Variants in NDUFA7 observed in about 807,000 individuals in gnomAD.
The protein encoded by NDUFA7 is NADH:ubiquinone oxidoreductase subunit A7, also known as NADH dehydrogenase [ubiquinone] 1 alpha subcomplex subunit 7.
In NDUFA7, 18 loss-of-function variants were observed where a neutral mutation model predicts 14.2. That is an observed-to-expected ratio of 1.27 (90% CI 0.88 to 1.88). The LOEUF is 1.88. Among genes scored for constraint, NDUFA7 ranks in the 40% most tolerant of loss-of-function variants. The probability of loss-of-function intolerance (pLI) is 0.00; values close to 1 mark genes in which losing one functional copy is unlikely to be tolerated. For missense variants in NDUFA7, 172 were observed against 147.3 expected (o/e 1.17, Z -0.87); for synonymous variants, 75 against 62.1 (o/e 1.21, Z -0.98).
rs933769725 is a variant in NDUFA7, at chr19:8,311,783, G to A, written c.252-188C>T. On this transcript the variant is annotated intron_variant, in intron 3 of 3. Coordinates refer to ENST00000301457, the MANE Select transcript of NDUFA7 (RefSeq NM_005001.5). Reference sequence around the variant, plus strand: ...TCAGAGGATCAGCCAACGCCAGGTGGGAGCTAGCAAGCCTCCTCTCTCCCC... The same window carrying A: ...TCAGAGGATCAGCCAACGCCAGGTGAGAGCTAGCAAGCCTCCTCTCTCCCC... 3.3e-5 allele frequency among the ~76,000 whole-genome samples: 5 copies of A among 152,236 alleles called. No individual in the cohort carries two copies. In the South Asian group the frequency reaches 1.0e-3, roughly 32 times the overall value.
At chr19:8,316,700 C>T (rs544116318) in intron 2 of NDUFA7, 55 bp from the exon 3 acceptor site, 26 of 1,583,512 alleles carry the variant, frequency 1.6e-5, no homozygotes, top group Middle Eastern at 1.7e-4. Flanking sequence ...GTCATGGCCC[C>T]GCTGTGGGCC....
Position 8,311,480 on chromosome 19 carries a change from G to C in NDUFA7, c.*25C>G. 1 of 1,567,828 alleles carries C rather than the reference G, an allele frequency of 6.4e-7. No individual in the cohort carries two copies. The highest frequency in any genetic ancestry group is 1.8e-4 in the Middle Eastern group (1 of 5,542). Reference sequence around the variant, plus strand: ...GGAGGAAATCCAAGGAGGCAAAGTAGTCGGGTGGCCGTGAGGGTGCAGTGT... The same window carrying C: ...GGAGGAAATCCAAGGAGGCAAAGTACTCGGGTGGCCGTGAGGGTGCAGTGT... On this transcript the variant is annotated 3_prime_UTR_variant, in exon 4 of 4. Coordinates refer to ENST00000301457, the MANE Select transcript of NDUFA7 (RefSeq NM_005001.5).
intron 3 of NDUFA7, among the ~76,000 whole-genome samples, chr19:8,312,352 A>G (rs1183992178): frequency 6.6e-6 from 1 of 152,208 alleles, no homozygotes; most frequent in African/African-American, 2.4e-5. Flanking sequence ...TGGAAAAGGC[A>G]GAAGTGGCCT....
chr19:8,311,538 C>T lies in NDUFA7; in HGVS notation c.309G>A (p.Arg103=), dbSNP rs772742270. 10 of 1,612,680 alleles carry T rather than the reference C, an allele frequency of 6.2e-6. 1 individual carries two copies. The East Asian group carries it at 2.2e-4, about 36-fold the overall frequency. The change falls in exon 4 of 4, where the codon AGG becomes AGA. Residue 103 remains arginine (R), a synonymous_variant. Coordinates refer to ENST00000301457, the MANE Select transcript of NDUFA7 (RefSeq NM_005001.5). ...KAVTPAPPIK[R]WELSSDQPYL is the part of the protein sequence containing the mutation. ...AAGGCTGGTCCGAGGACAGCTCCCA[C>T]CTCTTTATGGGAGGAGCTGGAGTCA...
At chr19:8,319,986 C>T (rs935733469) in intron 2 of NDUFA7, among the ~76,000 whole-genome samples, 14 of 152,112 alleles carry the variant, frequency 9.2e-5, no homozygotes, top group African/African-American at 3.4e-4. Flanking sequence ...GCTGGGACTA[C>T]CCGCGCGCGC....
chr19:8,316,730 A>G (rs1259826682), intron 2 of NDUFA7, 85 bp from the exon 3 acceptor site: 6 of 1,518,186 alleles, frequency 4.0e-6, no homozygotes, highest in Non-Finnish European at 5.4e-6. Flanking sequence ...TCAGTCACAA[A>G]ATGTGGGATC....
chr19:8,316,710 C>A, intron 2 of NDUFA7, 65 bp from the exon 3 acceptor site: 1 of 1,566,952 alleles, frequency 6.4e-7, no homozygotes, highest in African/African-American at 1.4e-5. Context: ...CGCTGTGGGC[C>A]CCTGTCACCT....
At chr19:8,316,350 ACAAAAAGCTC>A (rs1970233462) in intron 3 of NDUFA7, 136 bp downstream of exon 3, 3 of 1,236,026 alleles carry the variant, frequency 2.4e-6, no homozygotes, top group African/African-American at 3.0e-5. Context: ...GAGCTCTCGG[ACAAAAAGCTC>A]CCAGCAGCAC....
At chr19:8,318,871 T>G (rs772759014) in intron 2 of NDUFA7, among the ~76,000 whole-genome samples, 1 of 149,688 alleles carries the variant, frequency 6.7e-6, no homozygotes, top group Non-Finnish European at 1.5e-5. Flanking sequence ...CTCGGGAGGC[T>G]GAGGCAGGAG....
chr19:8,308,985 C>G (rs1349726903), downstream of NDUFA7: 1 of 151,534 alleles, frequency 6.6e-6, no homozygotes, highest in Non-Finnish European at 1.5e-5. Flanking sequence ...TTTTGGGAAG[C>G]AGAGGCGGGC....
In NDUFA7 at chr19:8,316,597, G is replaced by A; in HGVS notation, c.150C>T (p.Ser50=). Residue 50 remains serine, a synonymous_variant, in exon 3 of 4, where the codon TCC becomes TCT. Coordinates refer to ENST00000301457, the MANE Select transcript of NDUFA7 (RefSeq NM_005001.5). ...CATCGCGAGTGCAATAGTAATTGTT[G>A]GAGAGCTTGTGGCTAGGACCCACAG... ...KLPVGPSHKL[S]NNYYCTRDGR... is the part of the protein sequence containing the mutation. 2.5e-6 allele frequency: 4 copies of A among 1,614,176 alleles called. No homozygotes were observed. Among genetic ancestry groups the A allele is most frequent in the Non-Finnish European group, 3.4e-6 (4 of 1,180,022 alleles).
chr19:8,319,104 AG>A (rs1303968827), intron 2 of NDUFA7, among the ~76,000 whole-genome samples: 3 of 102,508 alleles, frequency 2.9e-5, no homozygotes, highest in Non-Finnish European at 5.9e-5. Flanking sequence ...AAAGCCAACT[AG>A]GGGGGTCGGG....
intron 3 of NDUFA7, among the ~76,000 whole-genome samples, chr19:8,316,024 C>T (rs1970228367): frequency 1.3e-5 from 2 of 151,592 alleles, no homozygotes; most frequent in Admixed American, 6.6e-5. Context: ...GTGGTGGGCA[C>T]TTGTAACCCC....
rs372354143 is a variant in NDUFA7, at chr19:8,318,702, G to A, written c.102-2057C>T. ...AAAAAAAAAAAAAAAGGCCAGGCGCGGTGGCTCACACCTGTAATCCCAGCA... is the reference window on the plus strand; with the variant it reads ...AAAAAAAAAAAAAAAGGCCAGGCGCAGTGGCTCACACCTGTAATCCCAGCA... On this transcript the variant is annotated intron_variant, in intron 2 of 3. Coordinates refer to ENST00000301457, the MANE Select transcript of NDUFA7 (RefSeq NM_005001.5). Among the ~76,000 whole-genome samples, 276 of 145,640 alleles carry A rather than the reference G, an allele frequency of 1.9e-3. 1 individual carries two copies. The highest frequency in any genetic ancestry group is 0.016 in the East Asian group (77 of 4,906).
Position 8,311,517 on chromosome 19 carries a change from C to A in NDUFA7, c.330G>T (p.Gln110His). ...TGAGGGTGCAGTGTCACAGGTAAGG[C>A]TGGTCCGAGGACAGCTCCCACCTCT... ...PIKRWELSSD[Q>H]PYL The change falls in exon 4 of 4, where the codon CAG becomes CAT. Residue 110 changes from glutamine (Q) to histidine (H), a missense_variant. Transcript: ENST00000301457. 1 of 1,610,084 alleles carries A rather than the reference C, an allele frequency of 6.2e-7. No homozygotes were observed. Among genetic ancestry groups the A allele is most frequent in the Non-Finnish European group, 8.5e-7 (1 of 1,178,026 alleles).
At chr19:8,321,124 A>G in intron 1 of NDUFA7, 184 bp downstream of exon 1, 1 of 901,424 alleles carries the variant, frequency 1.1e-6, no homozygotes, top group African/African-American at 1.7e-5. Flanking sequence ...GGGAAATCCC[A>G]GGCCTGAGTG....
chr19:8,315,775 AG>A (rs1376934974), intron 3 of NDUFA7, among the ~76,000 whole-genome samples: 1 of 152,062 alleles, frequency 6.6e-6, no homozygotes, highest in Non-Finnish European at 1.5e-5. Context: ...CCACCTAACG[AG>A]GAACACCCAC....
Position 8,311,581 on chromosome 19 carries a change from G to A in NDUFA7, c.266C>T (p.Ala89Val), listed in dbSNP as rs1468645593. 1 of 1,612,424 alleles carries A rather than the reference G, an allele frequency of 6.2e-7. No homozygotes were observed. Among genetic ancestry groups the A allele is most frequent in the Non-Finnish European group, 8.5e-7 (1 of 1,179,212 alleles). The change falls in exon 4 of 4, where the codon GCC (alanine) becomes GTC (valine). Residue 89 changes from alanine (A) to valine (V), a missense_variant. Coordinates refer to ENST00000301457, the MANE Select transcript of NDUFA7 (RefSeq NM_005001.5). ...GKPAESSAVAATEKKAVTPAP... is the reference protein window; with the variant it reads ...GKPAESSAVAVTEKKAVTPAP... ...TGGAGTCACCGCCTTCTTCTCAGTG[G>A]CAGCTACAGCAGAGCTGGAGGAGGG...
intron 3 of NDUFA7, 40 bp from the exon 4 acceptor site, chr19:8,311,635 CAG>C: frequency 1.3e-6 from 2 of 1,574,836 alleles, no homozygotes; most frequent in Non-Finnish European, 8.7e-7. Context: ...TTCCAAAGAA[CAG>C]TGTGGAAAGA....
Sources: gnomAD v4.1 joint callset for allele counts (sites outside exome capture counted in the v4.1 genomes callset) on GRCh38, gnomAD v4.1.1 for gene constraint, MANE v1.5 for transcripts, NCBI Gene and HGNC (gene_info 2026-07-23, HGNC 2026-07-21) for gene names.